Variants in PRH1 observed in about 807,000 individuals in gnomAD.
The protein encoded by PRH1 is proline rich protein HaeIII subfamily 1, also known as salivary acidic proline-rich phosphoprotein 1/2.
A neutral mutation model predicts 7.9 loss-of-function variants in PRH1; 7 were observed. The ratio of observed to expected loss-of-function variants is 0.89; its 90% CI spans 0.50 to 1.67. The LOEUF is 1.67. PRH1 is among the 40% of genes most tolerant of loss of function. PRH1 has a pLI of 0.00. For synonymous variants in PRH1, 45 were observed against 80.8 expected, an observed-to-expected ratio of 0.56 and a Z score of 2.38; for missense variants, 109 against 223.6, an observed-to-expected ratio of 0.49 and a Z score of 3.27.
rs143040427 is a variant in PRH1, at chr12:10,987,542, AAGAGAGAG to A, written c.-125-13829_-125-13822del. ...GTTCATAAATAGATACAAACACAGA[AAGAGAGAG>A]AGAGAGAGAGAGAGAGACTGTGACA... is the stretch of plus-strand genomic sequence containing the variant. On this transcript the variant is annotated intron_variant, in intron 1 of 3. Coordinates refer to the PRH1 transcript ENST00000539853. Among the ~76,000 whole-genome samples the A allele has an allele frequency of 1.8e-4, 26 of 147,500 alleles. No individual in the cohort carries two copies. The East Asian group carries it at 4.3e-3, about 25-fold the overall frequency.
At chr12:11,066,487 ACTT>A (rs1418482247) in intron 1 of PRH1, among the ~76,000 whole-genome samples, 1 of 151,894 alleles carries the variant, frequency 6.6e-6, no homozygotes, top group Non-Finnish European at 1.5e-5. Flanking sequence ...AATAAGCTAT[ACTT>A]AATTTCTAAA....
At chr12:11,060,923 C>A (rs1448139026) in intron 1 of PRH1, among the ~76,000 whole-genome samples, 1 of 152,390 alleles carries the variant, frequency 6.6e-6, no homozygotes, top group Non-Finnish European at 1.5e-5. Flanking sequence ...ATTCGAAGCA[C>A]ACTGTGGTAT....
At position 10,931,453 on chromosome 12, in the gene PRH1, AT is replaced by A. The variant is rs1253155066; in HGVS notation, c.-59+42201del. Among the ~76,000 whole-genome samples the A allele has an allele frequency of 7.9e-5, 12 of 152,172 alleles. No homozygotes were observed. The East Asian group carries it at 2.3e-3, about 29-fold the overall frequency. ...AGGCTCAGTCCTGCCTCACACTAGC[AT>A]TTCAAGTCCAGTATTCCTGCTAAAT... On this transcript the variant is annotated intron_variant, in intron 2 of 3. Transcript: ENST00000539853.
At chr12:10,988,279 C>T (rs912142537) in intron 1 of PRH1, among the ~76,000 whole-genome samples, 1 of 152,058 alleles carries the variant, frequency 6.6e-6, no homozygotes, top group Admixed American at 6.5e-5. Flanking sequence ...TACTATGCTA[C>T]ACCAAGAGTG....
At chr12:10,999,039 A>C (rs1271329684) in intron 1 of PRH1, among the ~76,000 whole-genome samples, 6 of 152,128 alleles carry the variant, frequency 3.9e-5, no homozygotes, top group Non-Finnish European at 5.9e-5. Flanking sequence ...AACTCTAACT[A>C]GATCCAAGAG....
At chr12:11,027,519 A>G (rs1941975882) in intron 1 of PRH1, among the ~76,000 whole-genome samples, 1 of 152,244 alleles carries the variant, frequency 6.6e-6, no homozygotes, top group African/African-American at 2.4e-5. Flanking sequence ...TCCTATCACT[A>G]CAAAAGAGAC....
At chr12:10,920,222 A>C (rs1286281513) in intron 2 of PRH1, among the ~76,000 whole-genome samples, 2 of 151,962 alleles carry the variant, frequency 1.3e-5, no homozygotes, top group African/African-American at 4.8e-5. Context: ...TCTACTGGAT[A>C]CCCCTACCTT....
At chr12:10,959,724 T>G (rs1162823949) in intron 2 of PRH1, among the ~76,000 whole-genome samples, 3 of 152,206 alleles carry the variant, frequency 2.0e-5, no homozygotes, top group African/African-American at 7.2e-5. Context: ...TGCAATGCTA[T>G]ATTAAAATGA....
chr12:10,970,721 C>T (rs11054114), intron 2 of PRH1, among the ~76,000 whole-genome samples: 36,808 of 151,738 alleles, frequency 0.24, 4,476 homozygotes, highest in Non-Finnish European at 0.25. Flanking sequence ...CCCGCCACCA[C>T]AATCAGCTAA....
chr12:10,961,966 C>G (rs1169014687), intron 2 of PRH1, among the ~76,000 whole-genome samples: 2 of 152,176 alleles, frequency 1.3e-5, no homozygotes, highest in African/African-American at 4.8e-5. Context: ...CACATTGTTA[C>G]AATACATCCC....
intron 2 of PRH1, chr12:10,896,812 A>C (rs1949653719): frequency 6.6e-6 from 1 of 151,984 alleles, no homozygotes; most frequent in African/African-American, 2.4e-5. Flanking sequence ...AACATACGAT[A>C]CATACTTTGG....
rs138801192 is a variant in PRH1 at position 11,073,070 on chromosome 12, A to G, written n.124-25882T>C. On this transcript the variant is annotated intron_variant and non_coding_transcript_variant, in intron 1 of 4. Transcript: ENST00000541977. Reference sequence around the variant, plus strand: ...ACCTGATAATATTTGGAAACCTGCAACATAGATATTGTTTTTAAGGTCTCA... The same window carrying G: ...ACCTGATAATATTTGGAAACCTGCAGCATAGATATTGTTTTTAAGGTCTCA... Among the ~76,000 whole-genome samples the G allele has an allele frequency of 3.7e-3, 457 of 122,006 alleles. 40 individuals are homozygous for G. The highest frequency in any genetic ancestry group is 0.012 in the African/African-American group (428 of 36,406). 80.0% of individuals were successfully genotyped at this position (122,006 alleles called of 152,430 possible).
At chr12:11,076,653 T>C (rs1715143926) in intron 1 of PRH1, 1 of 116,408 alleles carries the variant, frequency 8.6e-6, no homozygotes, top group African/African-American at 2.9e-5. Flanking sequence ...ATCATGATCA[T>C]GTTTTTTCAT....
At chr12:11,028,974 C>A (rs1017760223) in intron 1 of PRH1, among the ~76,000 whole-genome samples, 4 of 152,298 alleles carry the variant, frequency 2.6e-5, no homozygotes, top group Non-Finnish European at 5.9e-5. Flanking sequence ...TCCATTTTAG[C>A]CACCCATTTA....
chr12:11,129,979 C>T (rs77654562), intron 1 of PRH1, among the ~76,000 whole-genome samples: 32,103 of 151,570 alleles, frequency 0.21, 3,974 homozygotes, highest in Non-Finnish European at 0.27. Context: ...GGTGACATCC[C>T]AGCCCTACAA....
At chr12:11,097,877 A>G (rs1254476182) in intron 1 of PRH1, among the ~76,000 whole-genome samples, 2 of 109,590 alleles carry the variant, frequency 1.8e-5, no homozygotes, top group African/African-American at 5.9e-5. Context: ...CGATTCTTCT[A>G]TGATTCTCAG....
chr12:11,152,508 A>G (rs1947131939), intron 1 of PRH1, among the ~76,000 whole-genome samples: 1 of 151,980 alleles, frequency 6.6e-6, no homozygotes, highest in African/African-American at 2.4e-5. Flanking sequence ...CTCAAGATCA[A>G]TTTATTTTTG....
intron 2 of PRH1, chr12:10,895,674 T>C (rs1949634475): frequency 6.6e-6 from 1 of 152,182 alleles, no homozygotes. Flanking sequence ...TCATAGCCTA[T>C]ATTGAAAGAG....
At chr12:10,958,927 G>T (rs566435847) in intron 2 of PRH1, among the ~76,000 whole-genome samples, 1 of 152,244 alleles carries the variant, frequency 6.6e-6, no homozygotes, top group African/African-American at 2.4e-5. Flanking sequence ...TCAAATTTGC[G>T]TTTTTACAGG....
Sources: allele counts gnomAD v4.1 joint callset (sites outside exome capture counted in the v4.1 genomes callset), GRCh38; gene constraint gnomAD v4.1.1; transcripts MANE v1.5; gene names NCBI Gene and HGNC (gene_info 2026-07-23, HGNC 2026-07-21).